WWOX: variants seen among roughly 807,000 people sequenced by gnomAD.
The protein encoded by WWOX is WW domain-containing oxidoreductase.
Under a neutral mutation model 46.2 loss-of-function variants are expected in WWOX, and 69 were observed. The observed-to-expected ratio is 1.49, with a 90% CI of 1.23 to 1.82. WWOX has a LOEUF of 1.82. WWOX is among the 40% of genes most tolerant of loss of function. WWOX has a pLI of 0.00. For missense variants in WWOX, 919 were observed against 542.6 expected, an observed-to-expected ratio of 1.69 and a Z score of -6.89; for synonymous variants, 359 against 202.6, an observed-to-expected ratio of 1.77 and a Z score of -6.56.
intron 5 of WWOX, among the ~76,000 whole-genome samples, chr16:78,243,819 T>A (rs1480144829): frequency 6.6e-6 from 1 of 152,220 alleles, no homozygotes; most frequent in African/African-American, 2.4e-5. Flanking sequence ...GGTGCTGAGA[T>A]CACAGGCGTG....
intron 8 of WWOX, among the ~76,000 whole-genome samples, chr16:78,878,738 C>T (rs1226788552): frequency 1.3e-5 from 2 of 151,958 alleles, no homozygotes; most frequent in African/African-American, 2.4e-5. Context: ...TCTATCCTGA[C>T]AATGTTAGTG....
intron 8 of WWOX, among the ~76,000 whole-genome samples, chr16:79,131,043 A>G (rs2049867637): frequency 1.3e-5 from 2 of 152,198 alleles, no homozygotes; most frequent in South Asian, 2.1e-4. Context: ...AGAACACACA[A>G]TGACCAGCAG....
intron 8 of WWOX, among the ~76,000 whole-genome samples, chr16:78,590,054 A>G (rs1443745059): frequency 6.6e-6 from 1 of 152,190 alleles, no homozygotes; most frequent in Non-Finnish European, 1.5e-5. Flanking sequence ...AGGATTATAG[A>G]AGTCAATAAG....
At chr16:78,497,729 C>G (rs535334758) in intron 8 of WWOX, among the ~76,000 whole-genome samples, 49 of 152,304 alleles carry the variant, frequency 3.2e-4, no homozygotes, top group Non-Finnish European at 6.2e-4. Flanking sequence ...TGTGGACTCT[C>G]AGCAGGACAT....
At chr16:78,503,778 C>G (rs1410176631) in intron 8 of WWOX, 2 of 152,216 alleles carry the variant, frequency 1.3e-5, no homozygotes, top group South Asian at 2.1e-4. Context: ...ATTTCTGATT[C>G]CTTCCAAGAA....
intron 4 of WWOX, among the ~76,000 whole-genome samples, chr16:78,115,530 G>A (rs1019613525): frequency 7.2e-5 from 11 of 152,146 alleles, no homozygotes; most frequent in African/African-American, 2.4e-4. Context: ...GGAACAACAA[G>A]GTATTATGTC....
At chr16:78,657,122 T>C (rs917733673) in intron 8 of WWOX, among the ~76,000 whole-genome samples, 3 of 152,194 alleles carry the variant, frequency 2.0e-5, no homozygotes, top group African/African-American at 7.2e-5. Context: ...GCTGCCACTT[T>C]GGCCCCTGCG....
chr16:79,022,109 C>T (rs1433755458), intron 8 of WWOX, among the ~76,000 whole-genome samples: 1 of 152,172 alleles, frequency 6.6e-6, no homozygotes, highest in African/African-American at 2.4e-5. Flanking sequence ...ACCATGAGTG[C>T]AGAGGCACGT....
At chr16:78,393,682 A>T (rs997548285) in intron 6 of WWOX, among the ~76,000 whole-genome samples, 3 of 152,324 alleles carry the variant, frequency 2.0e-5, no homozygotes, top group African/African-American at 7.2e-5. Context: ...AATTGATAGG[A>T]AATTCATATT....
At chr16:78,880,765 C>G (rs1313995390) in intron 8 of WWOX, among the ~76,000 whole-genome samples, 1 of 152,118 alleles carries the variant, frequency 6.6e-6, no homozygotes, top group Non-Finnish European at 1.5e-5. Flanking sequence ...AAGATGGTTT[C>G]AAAGAACTAA....
chr16:79,177,790 G>T (rs1207721144), intron 8 of WWOX, among the ~76,000 whole-genome samples: 1 of 152,210 alleles, frequency 6.6e-6, no homozygotes, highest in Non-Finnish European at 1.5e-5. Context: ...AGGCTTTGTG[G>T]ACCATAGGGC....
At chr16:78,147,975 C>T (rs1016548706) in intron 4 of WWOX, among the ~76,000 whole-genome samples, 1 of 151,552 alleles carries the variant, frequency 6.6e-6, no homozygotes, top group African/African-American at 2.4e-5. Flanking sequence ...ATCCTGGTGG[C>T]TGGCCTGCTT....
chr16:78,530,792 G>A (rs1042403950), intron 8 of WWOX, among the ~76,000 whole-genome samples: 1 of 152,202 alleles, frequency 6.6e-6, no homozygotes, highest in Non-Finnish European at 1.5e-5. Context: ...AATATGGTGA[G>A]ATTGGCATCT....
intron 8 of WWOX, among the ~76,000 whole-genome samples, chr16:78,683,021 G>T (rs569036094): frequency 1.8e-3 from 277 of 152,270 alleles, no homozygotes; most frequent in Non-Finnish European, 2.1e-3. Context: ...TCTGTAGGCT[G>T]CTGTGATGGA....
In WWOX at chr16:78,721,094, A is replaced by G. The variant is rs546773172; in HGVS notation, c.1056+288342A>G. On this transcript the variant is annotated intron_variant, in intron 8 of 8. Coordinates refer to ENST00000566780, the MANE Select transcript of WWOX (RefSeq NM_016373.4). ...TGATCACTTGTAGATATATATTTAT[A>G]TAAATCTCTTAGCCCAGAATCTCCA... Among the ~76,000 whole-genome samples, 6 of 152,310 alleles carry G rather than the reference A, an allele frequency of 3.9e-5. No individual in the cohort carries two copies. The South Asian group carries it at 8.3e-4, about 21-fold the overall frequency.
chr16:78,660,182 T>A (rs2047178852), intron 8 of WWOX, among the ~76,000 whole-genome samples: 1 of 152,198 alleles, frequency 6.6e-6, no homozygotes, highest in Admixed American at 6.5e-5. Flanking sequence ...TTTTTTGTTT[T>A]TAATTACAGG....
At chr16:78,376,440 A>G (rs2081827869) in intron 5 of WWOX, among the ~76,000 whole-genome samples, 2 of 152,150 alleles carry the variant, frequency 1.3e-5, no homozygotes, top group South Asian at 2.1e-4. Context: ...GGGCAGTAGG[A>G]CTTTGGGGCA....
chr16:78,937,492 A>G (rs994997776), intron 8 of WWOX, among the ~76,000 whole-genome samples: 2 of 112,568 alleles, frequency 1.8e-5, no homozygotes, highest in Admixed American at 1.2e-4. Flanking sequence ...ATGGGGTTTC[A>G]CTGTGTTGCC....
intron 8 of WWOX, among the ~76,000 whole-genome samples, chr16:79,003,397 C>T (rs1382263558): frequency 1.3e-5 from 2 of 152,220 alleles, no homozygotes; most frequent in Non-Finnish European, 2.9e-5. Context: ...CTCCCATTAT[C>T]ACCGTGAGGC....
Sources: gnomAD v4.1 joint callset for allele counts (sites outside exome capture counted in the v4.1 genomes callset) on GRCh38, gnomAD v4.1.1 for gene constraint, MANE v1.5 for transcripts, NCBI Gene and HGNC (gene_info 2026-07-23, HGNC 2026-07-21) for gene names.